HECTD2: variants seen among roughly 807,000 people sequenced by gnomAD.
HECTD2 encodes the protein probable E3 ubiquitin-protein ligase HECTD2.
A neutral mutation model predicts 103.2 loss-of-function variants in HECTD2; 35 were observed. The observed-to-expected ratio is 0.34, with a 90% confidence interval of 0.26 to 0.45. HECTD2 has a LOEUF of 0.45. Ranked by LOEUF, HECTD2 falls within the 20% of genes least tolerant of loss-of-function variation. The pLI, the probability that HECTD2 is intolerant of heterozygous loss-of-function variation, is 1.00. For missense variants in HECTD2, 596 were observed against 937.4 expected (o/e 0.64, Z 4.76); for synonymous variants, 281 against 329.9 (o/e 0.85, Z 1.61).
intron 2 of HECTD2, among the ~76,000 whole-genome samples, chr10:91,428,652 G>A (rs535151036): frequency 7.2e-4 from 110 of 152,050 alleles, no homozygotes; most frequent in Non-Finnish European, 1.3e-3. Context: ...GTGAATGGGA[G>A]TTCACTCATG....
intron 1 of HECTD2, among the ~76,000 whole-genome samples, chr10:91,422,490 G>T (rs937560042): frequency 6.6e-6 from 1 of 151,960 alleles, no homozygotes; most frequent in African/African-American, 2.4e-5. Context: ...GCATTTGTTC[G>T]CACTATTATT....
intron 1 of HECTD2, among the ~76,000 whole-genome samples, chr10:91,414,683 C>A (rs1354529421): frequency 6.6e-6 from 1 of 152,126 alleles, no homozygotes; most frequent in Non-Finnish European, 1.5e-5. Context: ...GCTGGCTGGC[C>A]ATTGAAAAAT....
intron 15 of HECTD2, among the ~76,000 whole-genome samples, chr10:91,497,126 ATTTT>A (rs56923120): frequency 6.2e-5 from 6 of 97,360 alleles, no homozygotes; most frequent in South Asian, 3.1e-4. Flanking sequence ...TGCCCGGCAA[ATTTT>A]TTTTTTTTTT....
At chr10:91,409,742 A>G (rs553030067), upstream of HECTD2, among the ~76,000 whole-genome samples, 218 of 152,262 alleles carry the variant, frequency 1.4e-3, 3 homozygotes, top group Middle Eastern at 6.8e-3. Context: ...GGGCTGCGCA[A>G]GCTCCGGGCC....
At position 91,482,996 on chromosome 10, in the gene HECTD2, T is replaced by TG; in HGVS notation, c.742dup (p.Val248GlyfsTer17). Reference sequence around the variant, plus strand: ...CTCAGTTTAATAACACATCTACGTATGTCATCTATGCTCACTTGCTACGAC... The same window carrying TG: ...CTCAGTTTAATAACACATCTACGTATGGTCATCTATGCTCACTTGCTACGAC... On this transcript the variant is annotated frameshift_variant, in exon 8 of 21. Coordinates refer to ENST00000298068, the MANE Select transcript of HECTD2 (RefSeq NM_182765.6). LOFTEE classifies it high-confidence loss of function. 1 of 1,564,038 alleles carries TG rather than the reference T, an allele frequency of 6.4e-7. No homozygotes were observed. Among genetic ancestry groups the TG allele is most frequent in the Non-Finnish European group, 8.8e-7 (1 of 1,139,180 alleles).
chr10:91,498,888 T>C lies in HECTD2; in HGVS notation c.1772T>C (p.Phe591Ser). ...YSTFQVFQEE[F>S]GIIKSYNLKP... ...TCCCATCAGGTTTTTCAAGAAGAAT[T>C]TGGAATAATCAAGTCCTATAATTTA... The change falls in exon 17 of 21, where the codon TTT becomes TCT. Residue 591 changes from phenylalanine (F) to serine (S), a missense_variant. This residue lies in a region of HECTD2 where 303 missense variants were observed against 522.5 expected (regional missense o/e 0.58). Transcript: ENST00000298068. 6.3e-7 allele frequency: 1 copy of C among 1,595,852 alleles called. No individual in the cohort carries two copies. The highest frequency in any genetic ancestry group is 8.6e-7 in the Non-Finnish European group (1 of 1,166,912).
chr10:91,512,402 A>G lies in HECTD2; in HGVS notation c.*18A>G. The G allele has an allele frequency of 6.2e-7, 1 of 1,606,090 alleles. No individual in the cohort carries two copies. The highest frequency in any genetic ancestry group is 8.5e-7 in the Non-Finnish European group (1 of 1,173,652). ...TTGAGTAACCTAGAAGACTTGAAAT[A>G]TAATCTTTTATATGTAGCATTCACT... On this transcript the variant is annotated 3_prime_UTR_variant, in exon 21 of 21. Transcript: ENST00000298068.
intron 2 of HECTD2, among the ~76,000 whole-genome samples, chr10:91,458,192 A>T (rs866942591): frequency 3.3e-5 from 5 of 152,044 alleles, no homozygotes; most frequent in Middle Eastern, 3.4e-3. Context: ...ATTTGTAATC[A>T]CTTAAAAAAG....
chr10:91,499,202 A>G lies in HECTD2; in HGVS notation c.1950+52A>G, dbSNP rs764972148. ...TTCGGTTAGCTTTTGTAGTACTATC[A>G]TGTTAACAAATAATTAATAAATATT... On this transcript the variant is annotated intron_variant, in intron 18 of 20. Transcript: ENST00000298068. 6.7e-6 allele frequency: 6 copies of G among 897,164 alleles called. No homozygotes were observed. The South Asian group carries it at 9.5e-5, about 14-fold the overall frequency. 55.6% of individuals were successfully genotyped at this position (897,164 alleles called of 1,614,324 possible).
intron 12 of HECTD2, among the ~76,000 whole-genome samples, chr10:91,492,012 A>G (rs1846500047): frequency 6.6e-6 from 1 of 152,150 alleles, no homozygotes; most frequent in African/African-American, 2.4e-5. Flanking sequence ...ACCCAGCCCT[A>G]GCTATGTGAT....
chr10:91,496,824 CTT>C (rs1307199731), intron 15 of HECTD2, among the ~76,000 whole-genome samples: 1 of 151,456 alleles, frequency 6.6e-6, no homozygotes, highest in Admixed American at 6.6e-5. Context: ...TATTATTTAC[CTT>C]TTTCTAATAA....
At chr10:91,464,371 A>G (rs551047113) in intron 5 of HECTD2, among the ~76,000 whole-genome samples, 1 of 152,198 alleles carries the variant, frequency 6.6e-6, no homozygotes. Context: ...CAAGTAAAAA[A>G]TATTGCAGAT....
intron 8 of HECTD2, 177 bp from the exon 9 acceptor site, chr10:91,484,330 G>A (rs777200953): frequency 1.9e-5 from 26 of 1,357,090 alleles, no homozygotes; most frequent in Non-Finnish European, 2.3e-5. Flanking sequence ...CTCATTTAAC[G>A]AAGACAGTAT....
intron 1 of HECTD2, among the ~76,000 whole-genome samples, chr10:91,424,605 A>C (rs1843486654): frequency 1.3e-5 from 2 of 152,156 alleles, no homozygotes; most frequent in South Asian, 4.1e-4. Context: ...TAATTACAAA[A>C]TACTGATTAA....
intron 2 of HECTD2, among the ~76,000 whole-genome samples, chr10:91,453,964 G>A (rs952196932): frequency 2.6e-5 from 4 of 152,006 alleles, no homozygotes; most frequent in Non-Finnish European, 5.9e-5. Flanking sequence ...TGATAAAAGG[G>A]ATAATCACCC....
intron 18 of HECTD2, 84 bp from the exon 19 acceptor site, chr10:91,500,418 T>C (rs1846855186): frequency 3.1e-6 from 2 of 646,912 alleles, no homozygotes; most frequent in Non-Finnish European, 5.5e-6. Context: ...ATGACTTTTG[T>C]GATTTGATCC....
intron 1 of HECTD2, among the ~76,000 whole-genome samples, chr10:91,421,681 G>A (rs952028728): frequency 6.6e-6 from 1 of 152,114 alleles, no homozygotes; most frequent in Admixed American, 6.6e-5. Context: ...ATTTCATCAT[G>A]CGAAGCATAC....
chr10:91,485,474 C>A, intron 10 of HECTD2, 171 bp downstream of exon 10: 1 of 505,104 alleles, frequency 2.0e-6, no homozygotes, highest in Non-Finnish European at 3.3e-6. Flanking sequence ...TTTTCTGCTA[C>A]ATTTTGAATT....
At chr10:91,467,681 T>C (rs931844523) in intron 5 of HECTD2, among the ~76,000 whole-genome samples, 47 of 147,752 alleles carry the variant, frequency 3.2e-4, no homozygotes, top group Non-Finnish European at 4.5e-5. Context: ...TTTGCCAGCA[T>C]GCATTTGTCC....
Sources: gnomAD v4.1 joint callset for allele counts (sites outside exome capture counted in the v4.1 genomes callset) on GRCh38, gnomAD v4.1.1 for gene constraint, gnomAD v4.1.1 regional missense constraint, MANE v1.5 for transcripts, NCBI Gene and HGNC (gene_info 2026-07-23, HGNC 2026-07-21) for gene names.